The following NAV3 variants were observed in gnomAD, a reference collection of about 807,000 sequenced individuals.
NAV3 encodes the protein pore membrane and/or filament interacting like protein 1.
NAV3 carries 87 observed loss-of-function variants against 244.7 expected under a neutral mutation model. The ratio of observed to expected loss-of-function variants is 0.36; its 90% CI spans 0.30 to 0.42. The LOEUF (loss-of-function observed/expected upper bound fraction) is 0.42. NAV3 is among the 20% of genes least tolerant of loss of function. The pLI is 1.00. For missense variants in NAV3, 2,663 were observed against 2,893.3 expected, an observed-to-expected ratio of 0.92 and a Z score of 1.83; for synonymous variants, 1,126 against 1,042.2, an observed-to-expected ratio of 1.08 and a Z score of -1.55.
intron 2 of NAV3, among the ~76,000 whole-genome samples, chr12:77,770,019 A>G (rs985525011): frequency 1.5e-4 from 23 of 152,194 alleles, no homozygotes; most frequent in Admixed American, 1.5e-3. Context: ...AATAAGTAAG[A>G]TGAAAGGAAT....
At chr12:77,967,745 T>C (rs1892642580) in intron 4 of NAV3, among the ~76,000 whole-genome samples, 1 of 152,136 alleles carries the variant, frequency 6.6e-6, no homozygotes, top group Admixed American at 6.5e-5. Flanking sequence ...GAATTGAATT[T>C]TTTTATTCAA....
At chr12:78,013,876 T>C (rs1309310534) in intron 8 of NAV3, among the ~76,000 whole-genome samples, 1 of 152,006 alleles carries the variant, frequency 6.6e-6, no homozygotes, top group Non-Finnish European at 1.5e-5. Context: ...TTTCATTCTG[T>C]TTTTTTAAAA....
intron 1 of NAV3, among the ~76,000 whole-genome samples, chr12:77,926,751 T>C (rs891993280): frequency 2.0e-5 from 3 of 152,136 alleles, no homozygotes; most frequent in African/African-American, 7.2e-5. Flanking sequence ...GCCTGGTAAG[T>C]TGCATTTGTA....
In NAV3 at chr12:78,006,841, T is replaced by C. The variant is rs1260504962; in HGVS notation, c.1303T>C (p.Ser435Pro). 1.2e-6 allele frequency: 2 copies of C among 1,614,112 alleles called. No homozygotes were observed. Among genetic ancestry groups the C allele is most frequent in the East Asian group, 2.2e-5 (1 of 44,868 alleles). The change falls in exon 8 of 40, where the codon TCA becomes CCA. Residue 435 changes from serine to proline, a missense_variant. Coordinates refer to ENST00000397909, the MANE Select transcript of NAV3 (RefSeq NM_001024383.2). ...GFNSGLNSGGSTNSSPKVSPK... is the reference protein window; with the variant it reads ...GFNSGLNSGGPTNSSPKVSPK... ...TAACAGTGGTCTGAATAGTGGTGGC[T>C]CAACAAATAGCAGTCCCAAAGTGTC...
At chr12:77,978,577 A>G (rs1286383068) in intron 5 of NAV3, among the ~76,000 whole-genome samples, 1 of 152,094 alleles carries the variant, frequency 6.6e-6, no homozygotes, top group East Asian at 1.9e-4. Flanking sequence ...AAAATTTTCA[A>G]AAATTTTCAA....
intron 2 of NAV3, among the ~76,000 whole-genome samples, chr12:77,594,380 A>G (rs896776816): frequency 6.6e-6 from 1 of 152,158 alleles, no homozygotes; most frequent in African/African-American, 2.4e-5. Flanking sequence ...AATTATTTCA[A>G]CCAGTTTCCA....
At chr12:77,905,724 G>T (rs547088649) in intron 1 of NAV3, among the ~76,000 whole-genome samples, 1 of 152,110 alleles carries the variant, frequency 6.6e-6, no homozygotes, top group Non-Finnish European at 1.5e-5. Context: ...TTTAGCTTTT[G>T]TAATAGTAAT....
At chr12:77,835,537 C>T (rs903929362) in intron 1 of NAV3, among the ~76,000 whole-genome samples, 2 of 152,120 alleles carry the variant, frequency 1.3e-5, no homozygotes, top group South Asian at 2.1e-4. Flanking sequence ...CATCTAATCC[C>T]GAATTCCTAG....
chr12:77,806,591 T>G (rs1338953252), intron 2 of NAV3, among the ~76,000 whole-genome samples: 2 of 152,196 alleles, frequency 1.3e-5, no homozygotes, highest in South Asian at 2.1e-4. Context: ...TCCCATTATG[T>G]GGTCGATTTT....
chr12:77,594,057 A>C (rs548174220), intron 2 of NAV3, among the ~76,000 whole-genome samples: 1 of 152,288 alleles, frequency 6.6e-6, no homozygotes, highest in South Asian at 2.1e-4. Flanking sequence ...CCAATGACTA[A>C]AAAATTTATA....
At chr12:78,046,926 G>A (rs1161987675) in intron 9 of NAV3, among the ~76,000 whole-genome samples, 2 of 152,158 alleles carry the variant, frequency 1.3e-5, no homozygotes, top group Admixed American at 6.5e-5. Flanking sequence ...TGTTTTGGGT[G>A]CATATATATT....
intron 2 of NAV3, among the ~76,000 whole-genome samples, chr12:77,619,569 T>C (rs1029119997): frequency 1.3e-5 from 2 of 152,214 alleles, no homozygotes; most frequent in African/African-American, 4.8e-5. Flanking sequence ...TAAGCAGGCA[T>C]TGCATGGGTG....
chr12:77,899,673 A>G (rs931410078), intron 1 of NAV3, among the ~76,000 whole-genome samples: 5 of 152,196 alleles, frequency 3.3e-5, no homozygotes, highest in African/African-American at 1.2e-4. Flanking sequence ...AGTGTTCTGG[A>G]ATGGAACGTG....
At chr12:78,182,068 G>A (rs1455942927) in intron 30 of NAV3, among the ~76,000 whole-genome samples, 1 of 151,926 alleles carries the variant, frequency 6.6e-6, no homozygotes, top group African/African-American at 2.4e-5. Context: ...ATTAGAGAAA[G>A]AAAATAAATT....
intron 1 of NAV3, among the ~76,000 whole-genome samples, chr12:77,876,082 T>G (rs1450771803): frequency 6.6e-6 from 1 of 152,056 alleles, no homozygotes; most frequent in African/African-American, 2.4e-5. Flanking sequence ...TATAATTAAT[T>G]TATGCTTCTC....
At chr12:78,165,359 A>C (rs1284994610) in intron 23 of NAV3, among the ~76,000 whole-genome samples, 1 of 152,036 alleles carries the variant, frequency 6.6e-6, no homozygotes, top group African/African-American at 2.4e-5. Context: ...AGAAACTGGA[A>C]ATGACTGAAT....
At chr12:78,103,920 G>A (rs1157494193) in intron 12 of NAV3, among the ~76,000 whole-genome samples, 1 of 151,998 alleles carries the variant, frequency 6.6e-6, no homozygotes, top group Admixed American at 6.6e-5. Flanking sequence ...TATATCACAT[G>A]GATTTCTTAT....
intron 2 of NAV3, among the ~76,000 whole-genome samples, chr12:77,679,249 T>C (rs1371009563): frequency 6.6e-6 from 1 of 152,156 alleles, no homozygotes; most frequent in African/African-American, 2.4e-5. Context: ...ACTGAAGGCC[T>C]CTACTAGGGC....
chr12:77,838,088 T>C (rs1473749936), intron 1 of NAV3, among the ~76,000 whole-genome samples: 1 of 152,220 alleles, frequency 6.6e-6, no homozygotes, highest in Non-Finnish European at 1.5e-5. Flanking sequence ...GATTCTGCTT[T>C]TCTTGCCTGT....
Sources: gnomAD v4.1 joint callset for allele counts (sites outside exome capture counted in the v4.1 genomes callset) on GRCh38, gnomAD v4.1.1 for gene constraint, MANE v1.5 for transcripts, NCBI Gene and HGNC (gene_info 2026-07-23, HGNC 2026-07-21) for gene names.